The following TANGO6 variants were observed in gnomAD, a reference collection of about 807,000 sequenced individuals.
TANGO6 encodes the protein transport and Golgi organization protein 6 homolog.
TANGO6 carries 90 observed loss-of-function variants against 114.2 expected under a neutral mutation model. The ratio of observed to expected loss-of-function variants is 0.79; its 90% CI spans 0.66 to 0.94. The LOEUF is 0.94. Among genes scored for constraint, TANGO6 ranks in the 40% least tolerant of loss-of-function variants. TANGO6 has a pLI of 0.00. For missense variants in TANGO6, 1,274 were observed against 1,315.3 expected, an observed-to-expected ratio of 0.97 and a Z score of 0.49; for synonymous variants, 477 against 509.8, an observed-to-expected ratio of 0.94 and a Z score of 0.87.
At position 68,908,403 on chromosome 16, in the gene TANGO6, G is replaced by T. The variant is rs1962880566; in HGVS notation, c.1801-808G>T. ...GCTCTTAATTGTATACTTAAAAAAA[G>T]GTGGCTCACGCCTGTAATCCCAGCA... On this transcript the variant is annotated intron_variant, in intron 10 of 17. Transcript: ENST00000261778. Among the ~76,000 whole-genome samples the T allele has an allele frequency of 2.6e-5, 4 of 152,098 alleles. No homozygotes were observed. In the South Asian group the frequency reaches 6.2e-4, roughly 24 times the overall value.
At chr16:68,890,272 A>T (rs1313265313) in intron 7 of TANGO6, among the ~76,000 whole-genome samples, 1 of 152,214 alleles carries the variant, frequency 6.6e-6, no homozygotes, top group African/African-American at 2.4e-5. Flanking sequence ...CAAACATATA[A>T]AACATTTAGG....
Position 68,928,391 on chromosome 16 carries a change from G to A in TANGO6, c.2643+308G>A, listed in dbSNP as rs532674863. Among the ~76,000 whole-genome samples the A allele has an allele frequency of 5.9e-5, 8 of 135,498 alleles. No individual in the cohort carries two copies. The South Asian group carries it at 7.0e-4, about 12-fold the overall frequency. 88.9% of individuals were successfully genotyped at this position (135,498 alleles called of 152,430 possible). The stretch of plus-strand genomic sequence containing the variant: ...GCAATCTCGGCTCACTGCAAGCTCC[G>A]CCTTCTGGGTTCACACCATTCTCCT... On this transcript the variant is annotated intron_variant, in intron 13 of 17. Coordinates refer to ENST00000261778, the MANE Select transcript of TANGO6 (RefSeq NM_024562.2).
intron 15 of TANGO6, among the ~76,000 whole-genome samples, chr16:68,992,034 T>C (rs1597050494): frequency 6.6e-6 from 1 of 152,122 alleles, no homozygotes; most frequent in African/African-American, 2.4e-5. Flanking sequence ...AACGGGGTTA[T>C]AATCCACCCA....
chr16:68,881,672 A>G (rs913544430), intron 7 of TANGO6, among the ~76,000 whole-genome samples: 3 of 152,214 alleles, frequency 2.0e-5, no homozygotes, highest in African/African-American at 7.2e-5. Flanking sequence ...GACTACATAA[A>G]TATATAACAA....
chr16:68,894,796 G>A lies in TANGO6; in HGVS notation c.1378-5638G>A, dbSNP rs532780193. On this transcript the variant is annotated intron_variant, in intron 7 of 17. Transcript: ENST00000261778. ...ATTTAGTGGCATTAAGTTTATTCAC[G>A]ATGTTGCTCAACCATCACCACTATC... 1.6e-4 allele frequency among the ~76,000 whole-genome samples: 24 copies of A among 151,106 alleles called. 1 individual carries two copies. The East Asian group carries it at 2.7e-3, about 17-fold the overall frequency.
chr16:68,904,867 G>A (rs1962829324), intron 9 of TANGO6, among the ~76,000 whole-genome samples: 1 of 152,170 alleles, frequency 6.6e-6, no homozygotes, highest in South Asian at 2.1e-4. Flanking sequence ...GGAAGGCCAA[G>A]GTGTGAGGAT....
Position 69,021,423 on chromosome 16 carries a change from G to A in TANGO6, c.2843-1405G>A, listed in dbSNP as rs1198540385. Among the ~76,000 whole-genome samples, 3 of 152,114 alleles carry A rather than the reference G, an allele frequency of 2.0e-5. No individual in the cohort carries two copies. In the East Asian group the frequency reaches 5.8e-4, roughly 29 times the overall value. On this transcript the variant is annotated intron_variant, in intron 15 of 17. Coordinates refer to ENST00000261778, the MANE Select transcript of TANGO6 (RefSeq NM_024562.2). The stretch of plus-strand genomic sequence containing the variant: ...CTTTACCACCTTTTTAAAACCTGAA[G>A]TCGGCCACCATTCCCATTATTCCTT...
At chr16:69,025,325 A>C (rs1328942153) in intron 16 of TANGO6, among the ~76,000 whole-genome samples, 1 of 152,166 alleles carries the variant, frequency 6.6e-6, no homozygotes, top group Non-Finnish European at 1.5e-5. Flanking sequence ...CAGAGAAGGG[A>C]GCTGGAGAGA....
chr16:68,872,656 A>G (rs1177091568), intron 4 of TANGO6, among the ~76,000 whole-genome samples: 1 of 142,738 alleles, frequency 7.0e-6, no homozygotes, highest in Non-Finnish European at 1.5e-5. Context: ...CCTTCTTTGC[A>G]TGCCTGGTAA....
intron 1 of TANGO6, among the ~76,000 whole-genome samples, chr16:68,852,705 C>T (rs912083379): frequency 6.6e-6 from 1 of 151,908 alleles, no homozygotes; most frequent in African/African-American, 2.4e-5. Flanking sequence ...GGGTGGTATG[C>T]AACTGTGGTC....
intron 15 of TANGO6, among the ~76,000 whole-genome samples, chr16:69,001,577 A>G (rs185280147): frequency 2.6e-5 from 4 of 152,326 alleles, no homozygotes; most frequent in East Asian, 1.9e-4. Context: ...GCCAGTTTTT[A>G]AGTTTCTCAT....
chr16:69,040,943 T>C (rs1288472109), intron 17 of TANGO6, among the ~76,000 whole-genome samples: 2 of 151,958 alleles, frequency 1.3e-5, no homozygotes, highest in Non-Finnish European at 2.9e-5. Flanking sequence ...AGAAAGTATA[T>C]ATTTACATAT....
chr16:69,073,571 C>T (rs1019023726), intron 17 of TANGO6, among the ~76,000 whole-genome samples: 1 of 152,180 alleles, frequency 6.6e-6, no homozygotes, highest in African/African-American at 2.4e-5. Flanking sequence ...GAGGCAATAG[C>T]GGTGGAGAGT....
intron 9 of TANGO6, among the ~76,000 whole-genome samples, chr16:68,903,255 A>G (rs1315535189): frequency 1.3e-5 from 2 of 152,194 alleles, no homozygotes; most frequent in Non-Finnish European, 2.9e-5. Flanking sequence ...AAAATAGAAA[A>G]ACACATAGAT....
At position 68,859,780 on chromosome 16, in the gene TANGO6, C is replaced by T. The variant is rs199867369; in HGVS notation, c.95-104C>T. On this transcript the variant is annotated intron_variant, in intron 1 of 17. Coordinates refer to ENST00000261778, the MANE Select transcript of TANGO6 (RefSeq NM_024562.2). Reference sequence around the variant, plus strand: ...GGCTTTCCAGAGCCAGTGACAGTGGCGCCCGGCCTGCGAGGATGAACTGGA... The same window carrying T: ...GGCTTTCCAGAGCCAGTGACAGTGGTGCCCGGCCTGCGAGGATGAACTGGA... 3.2e-4 allele frequency: 420 copies of T among 1,311,742 alleles called. 9 individuals are homozygous for T. In the East Asian group the frequency reaches 6.4e-3, roughly 20 times the overall value. 81.3% of individuals were successfully genotyped at this position (1,311,742 alleles called of 1,614,324 possible). A position where few individuals can be genotyped will look rare whatever the true frequency, so the allele number is the denominator to read the frequency against.
chr16:69,025,826 G>A (rs894590984), intron 16 of TANGO6: 2 of 204,478 alleles, frequency 9.8e-6, no homozygotes, highest in Non-Finnish European at 2.1e-5. Context: ...GACAAGGTAT[G>A]ATTTCTAATT....
intron 4 of TANGO6, among the ~76,000 whole-genome samples, chr16:68,869,514 A>C (rs143163821): frequency 1.3e-5 from 2 of 152,190 alleles, no homozygotes; most frequent in African/African-American, 4.8e-5. Context: ...CAGATATTCT[A>C]TCAGTTTTAT....
intron 14 of TANGO6, among the ~76,000 whole-genome samples, chr16:68,956,323 G>A (rs1963529636): frequency 6.6e-6 from 1 of 152,144 alleles, no homozygotes; most frequent in South Asian, 2.1e-4. Flanking sequence ...TTACTCTGAG[G>A]GCATTTGCTT....
At chr16:68,987,522 C>G (rs1963907558) in intron 15 of TANGO6, among the ~76,000 whole-genome samples, 1 of 152,094 alleles carries the variant, frequency 6.6e-6, no homozygotes, top group Non-Finnish European at 1.5e-5. Context: ...GCATGTGCCA[C>G]CATGCCCGGC....
Sources: gnomAD v4.1 joint callset for allele counts (sites outside exome capture counted in the v4.1 genomes callset) on GRCh38, gnomAD v4.1.1 for gene constraint, MANE v1.5 for transcripts, NCBI Gene and HGNC (gene_info 2026-07-23, HGNC 2026-07-21) for gene names.